RBFOX1: variants seen among roughly 807,000 people sequenced by gnomAD.
The protein encoded by RBFOX1 is RNA binding fox-1 homolog 1.
In RBFOX1, 8 loss-of-function variants were observed where a neutral mutation model predicts 57.7. The ratio of observed to expected loss-of-function variants is 0.14; its 90% CI spans 0.08 to 0.25. The LOEUF (loss-of-function observed/expected upper bound fraction) is 0.25, where lower values mean the gene tolerates loss of function less well. Among genes scored for constraint, RBFOX1 ranks in the 10% least tolerant of loss-of-function variants. The pLI is 1.00. For missense variants in RBFOX1, 611 were observed against 548.5 expected (o/e 1.11, Z -1.14); for synonymous variants, 326 against 222.4 (o/e 1.47, Z -4.15).
At chr16:6,282,815 T>C (rs2076531698) in intron 1 of RBFOX1, among the ~76,000 whole-genome samples, 1 of 152,336 alleles carries the variant, frequency 6.6e-6, no homozygotes, top group African/African-American at 2.4e-5. Flanking sequence ...GAGAGCAAGC[T>C]CTGCACATCA....
intron 3 of RBFOX1, among the ~76,000 whole-genome samples, chr16:5,628,971 C>G (rs945936376): frequency 6.6e-6 from 1 of 152,156 alleles, no homozygotes; most frequent in African/African-American, 2.4e-5. Flanking sequence ...TGCCAAATGT[C>G]AACAGAGTAA....
At chr16:5,868,538 G>A (rs2057394637) in intron 4 of RBFOX1, among the ~76,000 whole-genome samples, 1 of 152,216 alleles carries the variant, frequency 6.6e-6, no homozygotes, top group Non-Finnish European at 1.5e-5. Flanking sequence ...AAACACCTAA[G>A]GGGAGATCAT....
chr16:6,011,208 G>C (rs769316363), intron 4 of RBFOX1, among the ~76,000 whole-genome samples: 17 of 152,168 alleles, frequency 1.1e-4, no homozygotes, highest in Non-Finnish European at 1.2e-4. Flanking sequence ...TGTATGTTCT[G>C]ATTATAAATT....
At chr16:6,219,020 CAG>C (rs1196771561) in intron 1 of RBFOX1, among the ~76,000 whole-genome samples, 28 of 152,280 alleles carry the variant, frequency 1.8e-4, no homozygotes, top group African/African-American at 6.0e-4. Flanking sequence ...TTAGGTGACT[CAG>C]GGGCCACATC....
intron 3 of RBFOX1, among the ~76,000 whole-genome samples, chr16:6,810,133 G>A (rs182528177): frequency 1.8e-3 from 271 of 151,210 alleles, no homozygotes; most frequent in Middle Eastern, 3.5e-3. Context: ...CAACAAATAT[G>A]CCTCTTATGG....
chr16:6,871,766 C>T (rs141742818), intron 3 of RBFOX1, among the ~76,000 whole-genome samples: 3 of 152,126 alleles, frequency 2.0e-5, no homozygotes, highest in South Asian at 4.1e-4. Context: ...GAAATTTCTA[C>T]TCTACCTTCC....
chr16:7,212,608 T>A (rs1177817166), intron 4 of RBFOX1, among the ~76,000 whole-genome samples: 3 of 151,170 alleles, frequency 2.0e-5, no homozygotes, highest in Admixed American at 1.3e-4. Flanking sequence ...AACTCTCATA[T>A]AAAGGCATTC....
intron 1 of RBFOX1, among the ~76,000 whole-genome samples, chr16:6,051,154 C>G (rs1011470384): frequency 2.6e-5 from 4 of 151,420 alleles, no homozygotes; most frequent in Admixed American, 2.0e-4. Context: ...TTGCAGTAAT[C>G]TAATAGTTCC....
chr16:5,491,950 A>C (rs1324181325), intron 2 of RBFOX1, among the ~76,000 whole-genome samples: 1 of 152,214 alleles, frequency 6.6e-6, no homozygotes, highest in Non-Finnish European at 1.5e-5. Flanking sequence ...TGGGGCCCAG[A>C]CACTGGTATT....
At chr16:6,980,593 T>C (rs780749972) in intron 3 of RBFOX1, among the ~76,000 whole-genome samples, 3 of 152,166 alleles carry the variant, frequency 2.0e-5, no homozygotes, top group Non-Finnish European at 4.4e-5. Flanking sequence ...TTTAATAAAA[T>C]GGAGGTGGCA....
intron 4 of RBFOX1, among the ~76,000 whole-genome samples, chr16:7,242,123 C>G (rs981950821): frequency 6.6e-6 from 1 of 152,008 alleles, no homozygotes; most frequent in Non-Finnish European, 1.5e-5. Flanking sequence ...GTTGAGAACC[C>G]CTGCTTATTG....
intron 2 of RBFOX1, among the ~76,000 whole-genome samples, chr16:6,578,842 T>C (rs991300003): frequency 6.6e-6 from 1 of 152,056 alleles, no homozygotes; most frequent in Non-Finnish European, 1.5e-5. Flanking sequence ...AAATAATCTT[T>C]GCTCGAGGCA....
chr16:5,834,805 GATAGATA>G (rs1567604508), intron 3 of RBFOX1, among the ~76,000 whole-genome samples: 1 of 150,934 alleles, frequency 6.6e-6, no homozygotes, highest in Non-Finnish European at 1.5e-5. Context: ...TAGATAGATA[GATAGATA>G]GATAGATAGA....
chr16:5,856,575 G>GTGTGTA (rs1192496608), intron 3 of RBFOX1, among the ~76,000 whole-genome samples: 1 of 32,926 alleles, frequency 3.0e-5, no homozygotes, highest in African/African-American at 1.3e-4. Flanking sequence ...GTGTGTGTGT[G>GTGTGTA]TATATATATA....
At chr16:6,375,061 G>C (rs988955390) in intron 2 of RBFOX1, among the ~76,000 whole-genome samples, 13 of 152,208 alleles carry the variant, frequency 8.5e-5, no homozygotes, top group Middle Eastern at 3.4e-3. Flanking sequence ...ACCTCGCCAG[G>C]TCCAACTTTA....
chr16:5,659,779 G>A (rs1324544111), intron 3 of RBFOX1, among the ~76,000 whole-genome samples: 1 of 152,192 alleles, frequency 6.6e-6, no homozygotes, highest in Non-Finnish European at 1.5e-5. Context: ...ACCACAGGTG[G>A]TTTTTAGCAG....
At chr16:7,073,787 C>G (rs973725825) in intron 4 of RBFOX1, among the ~76,000 whole-genome samples, 1 of 151,978 alleles carries the variant, frequency 6.6e-6, no homozygotes, top group Non-Finnish European at 1.5e-5. Context: ...TGTTTGAGCC[C>G]AAGAGGTCAG....
At chr16:5,265,710 C>T (rs1169067576) in intron 1 of RBFOX1, among the ~76,000 whole-genome samples, 2 of 152,136 alleles carry the variant, frequency 1.3e-5, no homozygotes, top group African/African-American at 4.8e-5. Context: ...ACTTTCAGAG[C>T]TGGGCTTGGC....
At chr16:6,451,780 TCTTCCTCCCGTGACTCCATCCATGACTC>T (rs1171898020) in intron 2 of RBFOX1, among the ~76,000 whole-genome samples, 3 of 152,280 alleles carry the variant, frequency 2.0e-5, no homozygotes, top group East Asian at 3.9e-4. Flanking sequence ...CCTGTGCTGC[TCTTCCTCCCGTGACTCCATCCATGACTC>T]CTTCCTCCCA....
Sources: allele counts gnomAD v4.1 joint callset (sites outside exome capture counted in the v4.1 genomes callset), GRCh38; gene constraint gnomAD v4.1.1; transcripts MANE v1.5; gene names NCBI Gene and HGNC (gene_info 2026-07-23, HGNC 2026-07-21).